The following MSH5 variants were observed in gnomAD, a reference collection of about 807,000 sequenced individuals.
The protein encoded by MSH5 is mutS homolog 5.
MSH5 carries 78 observed loss-of-function variants against 107.7 expected under a neutral mutation model. The ratio of observed to expected loss-of-function variants is 0.72; its 90% CI spans 0.60 to 0.87. MSH5 has a LOEUF of 0.87. Among genes scored for constraint, MSH5 ranks in the 40% least tolerant of loss-of-function variants. The probability of loss-of-function intolerance (pLI) is 0.00; values close to 1 mark genes in which losing one functional copy is unlikely to be tolerated. For missense variants in MSH5, 889 were observed against 1,046.6 expected (o/e 0.85, Z 2.08); for synonymous variants, 326 against 399.5 (o/e 0.82, Z 2.19).
chr6:31,760,956 G>A lies in MSH5; in HGVS notation c.1962+117G>A. 1.6e-6 allele frequency: 2 copies of A among 1,254,654 alleles called. No individual in the cohort carries two copies. The highest frequency in any genetic ancestry group is 2.2e-6 in the Non-Finnish European group (2 of 909,194). 77.7% of individuals were successfully genotyped at this position (1,254,654 alleles called of 1,614,324 possible). ...CTGCATGCCCTTTATACTAAAAGTG[G>A]GGAGCACTAAGGTCAGAGATAAGAA... On this transcript the variant is annotated intron_variant, in intron 20 of 24. Coordinates refer to ENST00000375750, the MANE Select transcript of MSH5 (RefSeq NM_172166.4). The surrounding 1 kb of genome is among the most constrained non-coding windows in gnomAD (Gnocchi z 5.6).
At chr6:31,743,306 C>A in intron 5 of MSH5, 136 bp downstream of exon 5, 1 of 883,522 alleles carries the variant, frequency 1.1e-6, no homozygotes, top group Non-Finnish European at 1.8e-6. Context: ...GCCCTATGAC[C>A]TGTCCCCCCA....
intron 24 of MSH5, 62 bp from the exon 25 acceptor site, chr6:31,762,358 C>T (rs1019504762): frequency 7.2e-7 from 1 of 1,391,640 alleles, no homozygotes; most frequent in African/African-American, 1.4e-5. Flanking sequence ...AGCCTCTCCC[C>T]TCTGCCCAGG....
chr6:31,753,803 A>G (rs935773377), intron 12 of MSH5, 174 bp downstream of exon 12: 24 of 611,788 alleles, frequency 3.9e-5, no homozygotes, highest in Admixed American at 1.1e-4. Context: ...ATCTTGGCTC[A>G]CTGCAACCTC....
chr6:31,758,692 C>T lies in MSH5; in HGVS notation c.1216+72C>T. On this transcript the variant is annotated intron_variant, in intron 14 of 24. Transcript: ENST00000375750. This position sits in a 1 kb window ranked among gnomAD's most constrained non-coding sequence, Gnocchi z 5.1. The stretch of plus-strand genomic sequence containing the variant: ...AGTACCATCCTTGGCAGGTGGTCAC[C>T]ACAGCTGGGGATCTTCATAGCAACC... The T allele has an allele frequency of 6.2e-7, 1 of 1,609,344 alleles. No homozygotes were observed. The highest frequency in any genetic ancestry group is 8.5e-7 in the Non-Finnish European group (1 of 1,175,820).
rs145424136 is a variant in MSH5 at position 31,743,470 on chromosome 6, T to A, written c.415+300T>A. 7.9e-6 allele frequency: 4 copies of A among 506,078 alleles called. No homozygotes were observed. In the Admixed American group the frequency reaches 1.5e-4, roughly 19 times the overall value. 31.3% of individuals were successfully genotyped at this position (506,078 alleles called of 1,614,324 possible). On this transcript the variant is annotated intron_variant, in intron 5 of 24. Transcript: ENST00000375750. ...AATTCTCCCCATTAAGTTAAAGCCT[T>A]TTATCACCAAACCAAAAGGCACTGC... is the stretch of plus-strand genomic sequence containing the variant.
At chr6:31,754,484 C>T (rs1810263297) in intron 12 of MSH5, among the ~76,000 whole-genome samples, 1 of 151,952 alleles carries the variant, frequency 6.6e-6, no homozygotes, top group African/African-American at 2.4e-5. Context: ...TCTACTTTCC[C>T]CTCTTGGATT....
intron 3 of MSH5, among the ~76,000 whole-genome samples, chr6:31,742,150 A>G (rs1808973069): frequency 6.6e-6 from 1 of 152,234 alleles, no homozygotes; most frequent in African/African-American, 2.4e-5. Flanking sequence ...TCCAAACTAT[A>G]GCACTGACTC....
intron 3 of MSH5, among the ~76,000 whole-genome samples, chr6:31,742,626 T>C (rs1399659796): frequency 6.6e-6 from 1 of 152,222 alleles, no homozygotes; most frequent in East Asian, 1.9e-4. Flanking sequence ...ATCAGTCATG[T>C]CTGTTCTCCA....
intron 10 of MSH5, among the ~76,000 whole-genome samples, chr6:31,751,903 A>G (rs1039335445): frequency 4.0e-5 from 6 of 151,894 alleles, no homozygotes; most frequent in African/African-American, 1.5e-4. Flanking sequence ...TTTTGAGACC[A>G]GCCTGGCCAA....
chr6:31,745,298 A>G lies in MSH5; in HGVS notation c.745A>G (p.Lys249Glu). Reference sequence around the variant, plus strand: ...AGTGTACAAAGTGGCCAGTGGACTGAAGGAGGGGCTCAGCCTCTTTGGTAG... The same window carrying G: ...AGTGTACAAAGTGGCCAGTGGACTGGAGGAGGGGCTCAGCCTCTTTGGTAG... ...PSVYKVASGLKEGLSLFGILN... is the reference protein window; with the variant it reads ...PSVYKVASGLEEGLSLFGILN... The change falls in exon 9 of 25, where the codon AAG (lysine) becomes GAG (glutamate). Residue 249 changes from lysine (K) to glutamate (E), a missense_variant. Lys to Glu is a moderately conservative substitution (Grantham distance 56). This residue lies in a region of MSH5 where 518 missense variants were observed against 565.0 expected (regional missense o/e 0.92). Coordinates refer to ENST00000375750, the MANE Select transcript of MSH5 (RefSeq NM_172166.4). 1 of 1,613,010 alleles carries G rather than the reference A, an allele frequency of 6.2e-7. No homozygotes were observed. The highest frequency in any genetic ancestry group is 8.5e-7 in the Non-Finnish European group (1 of 1,179,048).
At chr6:31,744,419 G>A (rs3132445) in intron 7 of MSH5, 120 bp downstream of exon 7, 151,794 of 1,524,378 alleles carry the variant, frequency 0.1, 9,527 homozygotes, top group Non-Finnish European at 0.12. Context: ...TAGGACACCC[G>A]GGAGAATCTA....
chr6:31,760,247 G>T lies in MSH5; in HGVS notation c.1812+31G>T. The T allele has an allele frequency of 6.5e-7, 1 of 1,545,214 alleles. No individual in the cohort carries two copies. Among genetic ancestry groups the T allele is most frequent in the Non-Finnish European group, 8.7e-7 (1 of 1,149,398 alleles). On this transcript the variant is annotated intron_variant, in intron 19 of 24. Coordinates refer to ENST00000375750, the MANE Select transcript of MSH5 (RefSeq NM_172166.4). This position sits in a 1 kb window ranked among gnomAD's most constrained non-coding sequence, Gnocchi z 5.6. ...GAGAAGCCCTGCAGCCTGGGCCTCT[G>T]GCGTCTCCTGCATCTACTCCACCCC...
At chr6:31,742,367 C>T (rs1426177942) in intron 3 of MSH5, among the ~76,000 whole-genome samples, 1 of 152,196 alleles carries the variant, frequency 6.6e-6, no homozygotes, top group African/African-American at 2.4e-5. Flanking sequence ...AAGCAATTCT[C>T]CTGCCTCAGT....
intron 10 of MSH5, among the ~76,000 whole-genome samples, chr6:31,749,411 G>A (rs966666813): frequency 3.3e-5 from 5 of 152,030 alleles, no homozygotes; most frequent in African/African-American, 9.7e-5. Context: ...GCATCATGGC[G>A]CATGCCTCTA....
rs750105113 is a variant in MSH5 at position 31,744,549 on chromosome 6, T to A, written c.651T>A (p.Thr217=). Residue 217 remains threonine (T), a synonymous_variant, in exon 8 of 25, where the codon ACT becomes ACA. Coordinates refer to ENST00000375750, the MANE Select transcript of MSH5 (RefSeq NM_172166.4). ...PILGFKKFML[T]HLVNIDQDTY... ...CTTTTTTGTTTTCTGTCCTCAGGAC[T>A]CATCTGGTGAACATAGATCAAGACA... The A allele has an allele frequency of 1.2e-6, 2 of 1,613,276 alleles. No homozygotes were observed. The highest frequency in any genetic ancestry group is 1.7e-5 in the Admixed American group (1 of 60,006).
At chr6:31,748,990 A>G (rs1425308530) in intron 10 of MSH5, among the ~76,000 whole-genome samples, 1 of 143,682 alleles carries the variant, frequency 7.0e-6, no homozygotes, top group Non-Finnish European at 1.5e-5. Context: ...GTCTTTGCTC[A>G]CTGCAACCTC....
Position 31,758,417 on chromosome 6 carries a change from C to G in MSH5, c.1143+124C>G. On this transcript the variant is annotated intron_variant, in intron 13 of 24. Transcript: ENST00000375750. The surrounding 1 kb of genome is among the most constrained non-coding windows in gnomAD (Gnocchi z 5.1). ...TAAAGAATGGGATGGTGGGAGGAGG[C>G]AGCAGAACTTCAGGGAAGTATCTGG... The G allele has an allele frequency of 1.3e-6, 2 of 1,551,186 alleles. No individual in the cohort carries two copies. The highest frequency in any genetic ancestry group is 1.8e-6 in the Non-Finnish European group (2 of 1,131,096).
intron 12 of MSH5, among the ~76,000 whole-genome samples, chr6:31,754,213 G>A (rs912985690): frequency 6.0e-5 from 9 of 150,606 alleles, no homozygotes; most frequent in African/African-American, 9.8e-5. Flanking sequence ...GCAGTGGTGC[G>A]ATCTCGGCTC....
rs753570773 is a variant in MSH5 at position 31,758,097 on chromosome 6, T to C, written c.1015-68T>C. The C allele has an allele frequency of 1.1e-5, 17 of 1,595,110 alleles. No individual in the cohort carries two copies. The Admixed American group carries it at 2.9e-4, about 27-fold the overall frequency. ...CCCTACTGGTCTTTGTTCTTCTGAG[T>C]CTGTCCCTATCACCACCTCAACCCG... On this transcript the variant is annotated intron_variant, in intron 12 of 24. Coordinates refer to ENST00000375750, the MANE Select transcript of MSH5 (RefSeq NM_172166.4). The surrounding 1 kb of genome is among the most constrained non-coding windows in gnomAD (Gnocchi z 5.1).
Sources: allele counts gnomAD v4.1 joint callset (sites outside exome capture counted in the v4.1 genomes callset), GRCh38; gene constraint gnomAD v4.1.1; regional missense constraint gnomAD v4.1.1; non-coding constraint Gnocchi (gnomAD v3.1); transcripts MANE v1.5; gene names NCBI Gene and HGNC (gene_info 2026-07-23, HGNC 2026-07-21).